The following ST3GAL3 variants were observed in gnomAD, a reference collection of about 807,000 sequenced individuals.
ST3GAL3 encodes the protein ST3 beta-galactoside alpha-2,3-sialyltransferase 3.
In ST3GAL3, 21 loss-of-function variants were observed where a neutral mutation model predicts 50.1. That is an observed-to-expected ratio of 0.42 (90% CI 0.30 to 0.60). The LOEUF (loss-of-function observed/expected upper bound fraction) is 0.60. ST3GAL3 is among the 20% of genes least tolerant of loss of function. ST3GAL3 has a pLI of 0.19. For missense variants in ST3GAL3, 353 were observed against 489.4 expected, an observed-to-expected ratio of 0.72 and a Z score of 2.63; for synonymous variants, 183 against 190.0, an observed-to-expected ratio of 0.96 and a Z score of 0.30.
chr1:43,924,559 A>G (rs1407501017), intron 11 of ST3GAL3, among the ~76,000 whole-genome samples: 2 of 152,202 alleles, frequency 1.3e-5, no homozygotes, highest in African/African-American at 4.8e-5. Context: ...TTACATTAGC[A>G]TGTAGTGGAT....
At chr1:43,715,815 A>C (rs960295252) in intron 1 of ST3GAL3, among the ~76,000 whole-genome samples, 1 of 152,198 alleles carries the variant, frequency 6.6e-6, no homozygotes, top group Non-Finnish European at 1.5e-5. Context: ...ACAAGCATGC[A>C]TACTGTTAAC....
chr1:43,755,929 C>G (rs1687872997), intron 2 of ST3GAL3, among the ~76,000 whole-genome samples: 1 of 151,732 alleles, frequency 6.6e-6, no homozygotes. Flanking sequence ...ACACCCATCT[C>G]TACAAAAACT....
rs543740099 is a variant in ST3GAL3 at position 43,726,675 on chromosome 1, G to A, written c.-30-9558G>A. 7.2e-5 allele frequency among the ~76,000 whole-genome samples: 11 copies of A among 152,272 alleles called. No homozygotes were observed. In the East Asian group the frequency reaches 2.1e-3, roughly 29 times the overall value. ...AGTGGCACGATCTTGGCTCACTGCA[G>A]CCTCCGCCTGCCGAGTTCAAGCAAT... is the stretch of plus-strand genomic sequence containing the variant. On this transcript the variant is annotated intron_variant, in intron 1 of 11. Transcript: ENST00000347631.
chr1:43,739,303 G>C (rs1440511782), intron 2 of ST3GAL3: 2 of 151,888 alleles, frequency 1.3e-5, no homozygotes, highest in Non-Finnish European at 2.9e-5. Flanking sequence ...GCTCACCGCA[G>C]CTTCAACCTC....
intron 2 of ST3GAL3, among the ~76,000 whole-genome samples, chr1:43,767,682 G>A: frequency 7.0e-6 from 1 of 142,056 alleles, no homozygotes; most frequent in African/African-American, 2.6e-5. Context: ...ACTTGGGTGG[G>A]GGGGTAGGGG....
chr1:43,727,166 C>A (rs749109842), intron 1 of ST3GAL3: 2 of 152,142 alleles, frequency 1.3e-5, no homozygotes, highest in African/African-American at 2.4e-5. Context: ...ATTCCTTTTT[C>A]CTTTTGACCT....
intron 3 of ST3GAL3, among the ~76,000 whole-genome samples, chr1:43,799,117 A>AT (rs1267578413): frequency 2.0e-5 from 3 of 152,250 alleles, no homozygotes; most frequent in Non-Finnish European, 4.4e-5. Flanking sequence ...ACGTTCATAC[A>AT]TATACAGTAT....
At chr1:43,776,254 C>T (rs1697205697) in intron 2 of ST3GAL3, among the ~76,000 whole-genome samples, 1 of 152,162 alleles carries the variant, frequency 6.6e-6, no homozygotes, top group Admixed American at 6.5e-5. Context: ...CACTGATCTG[C>T]TTTCTGTCAC....
At chr1:43,725,832 A>G (rs544013477) in intron 1 of ST3GAL3, among the ~76,000 whole-genome samples, 6 of 152,066 alleles carry the variant, frequency 3.9e-5, no homozygotes, top group Non-Finnish European at 7.4e-5. Flanking sequence ...TTTTTTGTAG[A>G]GACGGTTTCG....
intron 5 of ST3GAL3, among the ~76,000 whole-genome samples, chr1:43,881,786 A>G (rs1275598128): frequency 7.1e-6 from 1 of 140,462 alleles, no homozygotes; most frequent in African/African-American, 2.6e-5. Flanking sequence ...GTATTTCAGA[A>G]TGGGGGGTGG....
At chr1:43,804,082 C>T (rs2059614493) in intron 3 of ST3GAL3, among the ~76,000 whole-genome samples, 1 of 152,182 alleles carries the variant, frequency 6.6e-6, no homozygotes, top group South Asian at 2.1e-4. Flanking sequence ...CTAGAGTGTT[C>T]TGTTCTTTGT....
At chr1:43,921,483 G>T (rs1456764119) in intron 11 of ST3GAL3, 1 of 402,666 alleles carries the variant, frequency 2.5e-6, no homozygotes, top group Non-Finnish European at 4.4e-6. Flanking sequence ...TCTGAACTCC[G>T]CTTGCCACAC....
chr1:43,769,608 C>A (rs1416593366), intron 2 of ST3GAL3, among the ~76,000 whole-genome samples: 2 of 152,002 alleles, frequency 1.3e-5, no homozygotes, highest in Admixed American at 1.3e-4. Flanking sequence ...AGGAAAGGGG[C>A]CTAACATTTA....
rs184548919 is a variant in ST3GAL3, at chr1:43,808,470, A to C, written c.167-6421A>C. Among the ~76,000 whole-genome samples, 4 of 152,304 alleles carry C rather than the reference A, an allele frequency of 2.6e-5. No individual in the cohort carries two copies. The East Asian group carries it at 7.7e-4, about 29-fold the overall frequency. ...TGAAGAAAGGAGAAACGACTGAGAA[A>C]AAAACAGAAAAAAAAATATGGAAAT... On this transcript the variant is annotated intron_variant, in intron 3 of 11. Transcript: ENST00000347631.
At chr1:43,891,472 G>C (rs2076675515) in intron 5 of ST3GAL3, among the ~76,000 whole-genome samples, 1 of 152,210 alleles carries the variant, frequency 6.6e-6, no homozygotes, top group Admixed American at 6.5e-5. Flanking sequence ...GGGAGGCTGA[G>C]GCAGGAGAAT....
intron 5 of ST3GAL3, among the ~76,000 whole-genome samples, chr1:43,886,720 G>A (rs1407732502): frequency 1.3e-5 from 2 of 152,180 alleles, no homozygotes; most frequent in African/African-American, 4.8e-5. Context: ...TAGATTGGAG[G>A]GTGACTAGGA....
intron 4 of ST3GAL3, among the ~76,000 whole-genome samples, chr1:43,820,074 A>G (rs1267235790): frequency 5.3e-5 from 8 of 152,212 alleles, no homozygotes. Flanking sequence ...CTATAAGGAT[A>G]TAGTAACTAA....
At chr1:43,851,700 C>A in intron 5 of ST3GAL3, 1 of 1,310,106 alleles carries the variant, frequency 7.6e-7, no homozygotes, top group South Asian at 1.2e-5. Context: ...CACAGGTCAG[C>A]ATCCTTGTGG....
intron 6 of ST3GAL3, among the ~76,000 whole-genome samples, chr1:43,897,602 G>T (rs2077574905): frequency 6.6e-6 from 1 of 152,208 alleles, no homozygotes; most frequent in African/African-American, 2.4e-5. Context: ...GAGCACAGAA[G>T]TCATGGGGGT....
Sources: gnomAD v4.1 joint callset for allele counts (sites outside exome capture counted in the v4.1 genomes callset) on GRCh38, gnomAD v4.1.1 for gene constraint, MANE v1.5 for transcripts, NCBI Gene and HGNC (gene_info 2026-07-23, HGNC 2026-07-21) for gene names.